ATP8A2: variants seen among roughly 807,000 people sequenced by gnomAD.
The protein encoded by ATP8A2 is phospholipid-transporting ATPase IB.
ATP8A2 carries 100 observed loss-of-function variants against 165.6 expected under a neutral mutation model. The ratio of observed to expected loss-of-function variants is 0.60; its 90% CI spans 0.51 to 0.71. The LOEUF (loss-of-function observed/expected upper bound fraction) is 0.71. ATP8A2 is among the 30% of genes least tolerant of loss of function. The pLI is 0.00. For missense variants in ATP8A2, 1,227 were observed against 1,479.5 expected (o/e 0.83, Z 2.80); for synonymous variants, 543 against 548.8 (o/e 0.99, Z 0.15).
chr13:25,597,846 A>C (rs973796789), intron 24 of ATP8A2, among the ~76,000 whole-genome samples: 1 of 151,984 alleles, frequency 6.6e-6, no homozygotes, highest in African/African-American at 2.4e-5. Flanking sequence ...TTGAAGAGCC[A>C]GAAGTTTTTT....
chr13:25,834,585 A>G (rs1033021639), intron 28 of ATP8A2, among the ~76,000 whole-genome samples: 2 of 152,240 alleles, frequency 1.3e-5, no homozygotes, highest in Admixed American at 6.5e-5. Flanking sequence ...CTGCATTACC[A>G]TCAAACCCAA....
At chr13:25,504,563 A>AC (rs1361850742) in intron 2 of ATP8A2, among the ~76,000 whole-genome samples, 2 of 146,016 alleles carry the variant, frequency 1.4e-5, no homozygotes, top group African/African-American at 5.1e-5. Context: ...ACAAGGTGAA[A>AC]CCCCGTCTCT....
chr13:25,802,607 A>T (rs1950644108), intron 27 of ATP8A2, among the ~76,000 whole-genome samples: 1 of 152,226 alleles, frequency 6.6e-6, no homozygotes, highest in East Asian at 1.9e-4. Context: ...GAATTCTGTT[A>T]TCAGTATGTG....
intron 25 of ATP8A2, among the ~76,000 whole-genome samples, chr13:25,704,688 A>G (rs946303007): frequency 6.6e-6 from 1 of 152,154 alleles, no homozygotes; most frequent in South Asian, 2.1e-4. Context: ...CTTTAGAGAG[A>G]TTAAACCATA....
chr13:25,375,303 A>G (rs1002651781), intron 1 of ATP8A2, among the ~76,000 whole-genome samples: 4 of 152,224 alleles, frequency 2.6e-5, no homozygotes, highest in African/African-American at 9.6e-5. Context: ...TGGTCTAGGC[A>G]GTGACTACAG....
intron 24 of ATP8A2, among the ~76,000 whole-genome samples, chr13:25,616,326 C>CTTTTTT (rs535891442): frequency 8.1e-4 from 86 of 106,728 alleles, no homozygotes; most frequent in South Asian, 1.6e-3. Flanking sequence ...TTCTTTCTTT[C>CTTTTTT]TTTTTTTTTT....
intron 27 of ATP8A2, among the ~76,000 whole-genome samples, chr13:25,789,428 G>A (rs565324863): frequency 6.6e-5 from 10 of 152,270 alleles, no homozygotes; most frequent in Admixed American, 5.2e-4. Flanking sequence ...AAAATCACTA[G>A]CATTCCTATA....
intron 33 of ATP8A2, among the ~76,000 whole-genome samples, chr13:25,928,675 C>T (rs1282094578): frequency 2.0e-5 from 3 of 152,164 alleles, no homozygotes; most frequent in South Asian, 2.1e-4. Flanking sequence ...GTTGACTTTC[C>T]GTCACTATTG....
Position 25,547,781 on chromosome 13 carries a change from A to G in ATP8A2, c.892-3557A>G, listed in dbSNP as rs370647842. Among the ~76,000 whole-genome samples, 21 of 152,348 alleles carry G rather than the reference A, an allele frequency of 1.4e-4. No homozygotes were observed. In the South Asian group the frequency reaches 3.7e-3, roughly 27 times the overall value. Reference sequence around the variant, plus strand: ...AATGGCCTGTTTCTCAGGAGGGAATAAAATATCTAAGATACAGGTCTGATT... The same window carrying G: ...AATGGCCTGTTTCTCAGGAGGGAATGAAATATCTAAGATACAGGTCTGATT... On this transcript the variant is annotated intron_variant, in intron 10 of 36. Coordinates refer to ENST00000381655, the MANE Select transcript of ATP8A2 (RefSeq NM_016529.6).
chr13:25,646,573 T>G (rs2041676722), intron 24 of ATP8A2, among the ~76,000 whole-genome samples: 1 of 146,398 alleles, frequency 6.8e-6, no homozygotes, highest in African/African-American at 2.5e-5. Flanking sequence ...GAGAATTGCT[T>G]GAACCTGGAA....
intron 2 of ATP8A2, among the ~76,000 whole-genome samples, chr13:25,515,313 C>T (rs148498808): frequency 2.6e-4 from 39 of 152,342 alleles, no homozygotes; most frequent in African/African-American, 9.4e-4. Context: ...TCATAAATCT[C>T]TATATGTCAC....
At chr13:25,600,404 A>G (rs745548911) in intron 24 of ATP8A2, among the ~76,000 whole-genome samples, 2 of 152,204 alleles carry the variant, frequency 1.3e-5, no homozygotes, top group Admixed American at 1.3e-4. Flanking sequence ...CTGAACACAG[A>G]AGGGAGCCTG....
At chr13:25,998,643 C>T (rs1470653899) in intron 35 of ATP8A2, among the ~76,000 whole-genome samples, 1 of 152,206 alleles carries the variant, frequency 6.6e-6, no homozygotes, top group Non-Finnish European at 1.5e-5. Flanking sequence ...AAATCAAGCA[C>T]TGTGCTGCTA....
At chr13:25,592,712 T>C (rs542097140) in intron 24 of ATP8A2, among the ~76,000 whole-genome samples, 1 of 152,142 alleles carries the variant, frequency 6.6e-6, no homozygotes, top group Non-Finnish European at 1.5e-5. Context: ...TGAGCCTCTG[T>C]TTTCCCCTTA....
At chr13:25,698,491 C>G (rs925996339) in intron 24 of ATP8A2, among the ~76,000 whole-genome samples, 2 of 152,096 alleles carry the variant, frequency 1.3e-5, no homozygotes, top group African/African-American at 4.8e-5. Flanking sequence ...GTCTCGGCCT[C>G]CTAAAGTGCT....
intron 33 of ATP8A2, among the ~76,000 whole-genome samples, chr13:25,892,506 T>TCTCTCTCTCTCTCTCTC (rs1953401219): frequency 8.8e-6 from 1 of 113,276 alleles, no homozygotes; most frequent in African/African-American, 5.5e-5. Flanking sequence ...CTCTCTCTCC[T>TCTCTCTCTCTCTCTCTC]TCCACCTGTG....
intron 1 of ATP8A2, among the ~76,000 whole-genome samples, chr13:25,422,330 G>A (rs1462099378): frequency 6.6e-6 from 1 of 152,180 alleles, no homozygotes; most frequent in African/African-American, 2.4e-5. Context: ...GCATTGACCT[G>A]TTTGTAAGGC....
At chr13:25,843,524 G>A (rs1951793196) in intron 30 of ATP8A2, among the ~76,000 whole-genome samples, 1 of 152,098 alleles carries the variant, frequency 6.6e-6, no homozygotes, top group African/African-American at 2.4e-5. Flanking sequence ...ACCCTAGAGA[G>A]CTCATTTGCC....
At chr13:25,632,784 G>A (rs1423881182) in intron 24 of ATP8A2, among the ~76,000 whole-genome samples, 2 of 152,106 alleles carry the variant, frequency 1.3e-5, no homozygotes, top group African/African-American at 4.8e-5. Context: ...GACAGTCTGC[G>A]TCTTCTGTGA....
Sources: allele counts gnomAD v4.1 joint callset (sites outside exome capture counted in the v4.1 genomes callset), GRCh38; gene constraint gnomAD v4.1.1; transcripts MANE v1.5; gene names NCBI Gene and HGNC (gene_info 2026-07-23, HGNC 2026-07-21).